EZH2: variants seen among roughly 807,000 people sequenced by gnomAD.
The protein encoded by EZH2 is histone-lysine N-methyltransferase EZH2.
EZH2 carries 18 observed loss-of-function variants against 98.4 expected under a neutral mutation model. The ratio of observed to expected loss-of-function variants is 0.18; its 90% CI spans 0.13 to 0.27. The LOEUF is 0.27. Ranked by LOEUF, EZH2 falls within the 10% of genes least tolerant of loss-of-function variation. The pLI is 1.00. For missense variants in EZH2, 470 were observed against 935.1 expected (o/e 0.50, Z 6.49); for synonymous variants, 338 against 312.3 (o/e 1.08, Z -0.87).
At chr7:148,863,020 G>T (rs1215997772) in intron 1 of EZH2, among the ~76,000 whole-genome samples, 9 of 150,346 alleles carry the variant, frequency 6.0e-5, no homozygotes, top group Non-Finnish European at 1.5e-5. Context: ...GGAGGCAGAG[G>T]TTGCAGTGGG....
intron 3 of EZH2, among the ~76,000 whole-genome samples, chr7:148,835,889 A>T (rs1306160438): frequency 6.6e-6 from 1 of 152,192 alleles, no homozygotes; most frequent in African/African-American, 2.4e-5. Context: ...TACAGCAAAT[A>T]CTCTGCAAAT....
chr7:148,825,027 G>C (rs1466355733), intron 8 of EZH2, among the ~76,000 whole-genome samples: 1 of 152,004 alleles, frequency 6.6e-6, no homozygotes, highest in Non-Finnish European at 1.5e-5. Flanking sequence ...ATGTTTAAAA[G>C]TAGTGTCCTA....
intron 19 of EZH2, among the ~76,000 whole-genome samples, chr7:148,808,479 C>T (rs1370769752): frequency 6.6e-6 from 1 of 152,216 alleles, no homozygotes; most frequent in Non-Finnish European, 1.5e-5. Flanking sequence ...CAATGGCTGA[C>T]TTAAATGTAT....
chr7:148,826,364 A>G, intron 8 of EZH2, 90 bp downstream of exon 8: 1 of 1,002,522 alleles, frequency 1.0e-6, no homozygotes, highest in Non-Finnish European at 1.3e-6. Flanking sequence ...TACAAGATTA[A>G]ATGATAAATT....
At chr7:148,815,259 C>G (rs1371928455) in intron 13 of EZH2, among the ~76,000 whole-genome samples, 1 of 152,220 alleles carries the variant, frequency 6.6e-6, no homozygotes, top group Non-Finnish European at 1.5e-5. Flanking sequence ...ACGGCTACAT[C>G]TCAGTCCCAT....
intron 3 of EZH2, among the ~76,000 whole-genome samples, chr7:148,843,196 G>A (rs1277196173): frequency 4.7e-4 from 59 of 125,922 alleles, no homozygotes; most frequent in African/African-American, 1.5e-3. Context: ...CAACAAGAAC[G>A]AAACTCCGTC....
At chr7:148,852,441 CT>C (rs1305465875) in intron 1 of EZH2, among the ~76,000 whole-genome samples, 2 of 152,190 alleles carry the variant, frequency 1.3e-5, no homozygotes, top group African/African-American at 4.8e-5. Flanking sequence ...CTGGAGGAAG[CT>C]GACTCAAGCT....
Position 148,846,613 on chromosome 7 carries a change from T to C in EZH2, c.118-15A>G. 6.4e-7 allele frequency: 1 copy of C among 1,557,072 alleles called. No homozygotes were observed. Among genetic ancestry groups the C allele is most frequent in the Non-Finnish European group, 8.8e-7 (1 of 1,136,882 alleles). On this transcript the variant is annotated splice_polypyrimidine_tract_variant and intron_variant, in intron 2 of 19. Coordinates refer to ENST00000320356, the MANE Select transcript of EZH2 (RefSeq NM_004456.5). ...CTAAACATACTCTTAAAAAAAAAAA[T>C]GAAGGAGAGGAAAGGAGAAATTGTT...
chr7:148,840,656 C>T (rs1812186326), intron 3 of EZH2, among the ~76,000 whole-genome samples: 1 of 152,058 alleles, frequency 6.6e-6, no homozygotes, highest in Non-Finnish European at 1.5e-5. Context: ...TATAAAACTG[C>T]CTTGTTGGGT....
At chr7:148,831,047 G>A (rs544477422) in intron 4 of EZH2, among the ~76,000 whole-genome samples, 5 of 152,276 alleles carry the variant, frequency 3.3e-5, no homozygotes, top group South Asian at 2.1e-4. Context: ...GTGAGATGGC[G>A]TAGGCTCGGC....
intron 3 of EZH2, among the ~76,000 whole-genome samples, chr7:148,833,470 AT>A (rs869052875): frequency 1.2e-4 from 3 of 24,830 alleles, no homozygotes; most frequent in Non-Finnish European, 1.6e-4. Flanking sequence ...AAAAAAAAAA[AT>A]AAAATAAAAT....
chr7:148,824,324 A>C lies in EZH2; in HGVS notation c.907+2130T>G, dbSNP rs537375368. ...AACGAGACTTCGTCTCAAAAAAAAA[A>C]AAAAACAACAACAACAACAAAAAAG... On this transcript the variant is annotated intron_variant, in intron 8 of 19. Transcript: ENST00000320356. Among the ~76,000 whole-genome samples, 540 of 152,220 alleles carry C rather than the reference A, an allele frequency of 3.5e-3. 2 individuals are homozygous for C. Among genetic ancestry groups the C allele is most frequent in the African/African-American group, 0.012 (505 of 41,520 alleles).
intron 1 of EZH2, among the ~76,000 whole-genome samples, chr7:148,868,711 T>C (rs891986373): frequency 6.6e-6 from 1 of 152,182 alleles, no homozygotes; most frequent in African/African-American, 2.4e-5. Flanking sequence ...TGACTTTTTT[T>C]TTGGTAGTCT....
intron 1 of EZH2, among the ~76,000 whole-genome samples, chr7:148,848,164 T>C (rs909275310): frequency 6.6e-6 from 1 of 152,194 alleles, no homozygotes; most frequent in Admixed American, 6.5e-5. Flanking sequence ...ATGCAAAGCT[T>C]TACAGGCCAC....
chr7:148,826,756 C>A, intron 7 of EZH2, 124 bp from the exon 8 acceptor site: 1 of 689,786 alleles, frequency 1.4e-6, no homozygotes, highest in Non-Finnish European at 2.1e-6. Flanking sequence ...AAAGGAATGG[C>A]TCTATTTAGA....
At chr7:148,868,991 T>G (rs973189847) in intron 1 of EZH2, among the ~76,000 whole-genome samples, 2 of 152,188 alleles carry the variant, frequency 1.3e-5, no homozygotes, top group Non-Finnish European at 2.9e-5. Flanking sequence ...TTGGGTAAAT[T>G]TGAACTTGCC....
intron 10 of EZH2, 186 bp from the exon 11 acceptor site, chr7:148,817,577 C>G (rs1804901636): frequency 1.5e-6 from 1 of 666,900 alleles, no homozygotes; most frequent in Non-Finnish European, 2.5e-6. Context: ...GAATATTAAA[C>G]CAAATGATCC....
Position 148,861,288 on chromosome 7 carries a change from G to A in EZH2, c.-7-13983C>T, listed in dbSNP as rs191686789. On this transcript the variant is annotated intron_variant, in intron 1 of 19. Transcript: ENST00000320356. The stretch of plus-strand genomic sequence containing the variant: ...GTCACCCAGGCTGGAGTGCAGTGGC[G>A]CAATCTTGGCTCACTGCAACCTCCG... Among the ~76,000 whole-genome samples, 61 of 150,190 alleles carry A rather than the reference G, an allele frequency of 4.1e-4. No individual in the cohort carries two copies. In the South Asian group the frequency reaches 5.9e-3, roughly 15 times the overall value.
intron 19 of EZH2, among the ~76,000 whole-genome samples, chr7:148,807,976 C>T (rs1801962215): frequency 1.3e-5 from 2 of 152,334 alleles, no homozygotes; most frequent in African/African-American, 2.4e-5. Flanking sequence ...CAGAGCCTGA[C>T]CAGCCTCCCC....
Sources: allele counts gnomAD v4.1 joint callset (sites outside exome capture counted in the v4.1 genomes callset), GRCh38; gene constraint gnomAD v4.1.1; transcripts MANE v1.5; gene names NCBI Gene and HGNC (gene_info 2026-07-23, HGNC 2026-07-21).